Variants in UBAP2 observed in about 807,000 individuals in gnomAD.
The protein encoded by UBAP2 is ubiquitin associated protein 2, also known as ubiquitin-associated protein 2.
A neutral mutation model predicts 139.6 loss-of-function variants in UBAP2; 75 were observed. That is an observed-to-expected ratio of 0.54 (90% CI 0.45 to 0.65). The LOEUF is 0.65. Among genes scored for constraint, UBAP2 ranks in the 30% least tolerant of loss-of-function variants. The pLI is 0.00. For missense variants in UBAP2, 1,368 were observed against 1,369.6 expected (o/e 1.00, Z 0.02); for synonymous variants, 526 against 526.2 (o/e 1.00, Z 0.01).
At chr9:33,981,745 TGGAAGGATGGAAGGTAGGTAG>T in intron 6 of UBAP2, among the ~76,000 whole-genome samples, 1 of 143,394 alleles carries the variant, frequency 7.0e-6, no homozygotes, top group Non-Finnish European at 1.5e-5. Context: ...CAAGGAGGGA[TGGAAGGATGGAAGGTAGGTAG>T]GTAGGTAGGA....
intron 21 of UBAP2, 60 bp from the exon 22 acceptor site, chr9:33,926,724 G>T: frequency 6.3e-7 from 1 of 1,582,262 alleles, no homozygotes; most frequent in Non-Finnish European, 8.7e-7. Context: ...GGAAGCCCAG[G>T]TCCATCTAGG....
chr9:33,993,029 T>C (rs1417094457), intron 4 of UBAP2, among the ~76,000 whole-genome samples: 1 of 152,220 alleles, frequency 6.6e-6, no homozygotes, highest in Admixed American at 6.5e-5. Context: ...AGTACATTAA[T>C]TCAAGAGACC....
At chr9:33,985,501 T>C (rs1821127391) in intron 6 of UBAP2, among the ~76,000 whole-genome samples, 1 of 152,200 alleles carries the variant, frequency 6.6e-6, no homozygotes, top group South Asian at 2.1e-4. Flanking sequence ...AAGAATGAAA[T>C]CACGTCCTTT....
At chr9:34,019,664 A>C (rs1241215546) in intron 1 of UBAP2, among the ~76,000 whole-genome samples, 1 of 148,724 alleles carries the variant, frequency 6.7e-6, no homozygotes, top group Non-Finnish European at 1.5e-5. Flanking sequence ...GGTTACAATA[A>C]ACTTTATGTT....
chr9:33,993,747 C>CA (rs1403486820), intron 4 of UBAP2, among the ~76,000 whole-genome samples: 1 of 152,188 alleles, frequency 6.6e-6, no homozygotes, highest in Non-Finnish European at 1.5e-5. Context: ...CAGCCCTGAA[C>CA]AAGTGTATTC....
chr9:34,017,008 A>G (rs1330373172), intron 2 of UBAP2, 42 bp downstream of exon 2: 1 of 1,371,108 alleles, frequency 7.3e-7, no homozygotes, highest in Non-Finnish European at 9.8e-7. Flanking sequence ...ATAATAAAAG[A>G]AAAAAAAGGA....
chr9:34,031,602 C>T (rs922612376), intron 1 of UBAP2, among the ~76,000 whole-genome samples: 2 of 151,914 alleles, frequency 1.3e-5, no homozygotes, highest in African/African-American at 2.4e-5. Flanking sequence ...CCACCACGCC[C>T]GGCCTTAACT....
In UBAP2 at chr9:34,024,736, C is replaced by A. The variant is rs148018302; in HGVS notation, c.-41-7547G>T. Among the ~76,000 whole-genome samples, 757 of 152,286 alleles carry A rather than the reference C, an allele frequency of 5.0e-3. 3 individuals carry two copies. The highest frequency in any genetic ancestry group is 8.4e-3 in the Non-Finnish European group (572 of 68,026). On this transcript the variant is annotated intron_variant, in intron 1 of 28. Transcript: ENST00000379238. ...CGGTGGCTAATGCCTGTCATCTCAGCACTTTGGGAGGCTGAGGCGGGTGGA... is the reference window on the plus strand; with the variant it reads ...CGGTGGCTAATGCCTGTCATCTCAGAACTTTGGGAGGCTGAGGCGGGTGGA...
chr9:34,046,522 T>C (rs578182462), intron 1 of UBAP2, among the ~76,000 whole-genome samples: 57 of 151,646 alleles, frequency 3.8e-4, no homozygotes, highest in Non-Finnish European at 6.5e-4. Context: ...TGGGTGCCTG[T>C]AGTGCCAGCT....
intron 2 of UBAP2, among the ~76,000 whole-genome samples, chr9:33,999,427 C>T (rs1408749983): frequency 6.6e-6 from 1 of 151,856 alleles, no homozygotes; most frequent in Non-Finnish European, 1.5e-5. Flanking sequence ...ACTGCCCAGA[C>T]ACAGGCTTAG....
rs762823526 is a variant in UBAP2 at position 33,948,293 on chromosome 9, T to C, written c.1270+81A>G. 12 of 1,264,028 alleles carry C rather than the reference T, an allele frequency of 9.5e-6. No homozygotes were observed. In the Admixed American group the frequency reaches 1.7e-4, roughly 18 times the overall value. 78.3% of individuals were successfully genotyped at this position (1,264,028 alleles called of 1,614,324 possible). A position where few individuals can be genotyped will look rare whatever the true frequency, so the allele number is the denominator to read the frequency against. ...GAAACATCTCTGGACAAATTCCACA[T>C]TAGTCTTCACAAGTCAACACACTCT... On this transcript the variant is annotated intron_variant, in intron 13 of 28. Coordinates refer to ENST00000379238, the MANE Select transcript of UBAP2 (RefSeq NM_001370062.2).
At chr9:33,945,544 G>A (rs1330788917) in intron 13 of UBAP2, among the ~76,000 whole-genome samples, 1 of 152,048 alleles carries the variant, frequency 6.6e-6, no homozygotes, top group Non-Finnish European at 1.5e-5. Context: ...TATGTATGAC[G>A]AATATTATGT....
chr9:33,942,088 C>A (rs147127929), intron 15 of UBAP2, among the ~76,000 whole-genome samples: 45 of 151,872 alleles, frequency 3.0e-4, no homozygotes, highest in African/African-American at 1.1e-3. Flanking sequence ...CAGAGGTGGG[C>A]GGATCCGGAG....
chr9:33,990,598 T>C (rs944723496), intron 4 of UBAP2, among the ~76,000 whole-genome samples: 1 of 152,034 alleles, frequency 6.6e-6, no homozygotes, highest in Non-Finnish European at 1.5e-5. Flanking sequence ...GCATCTATTG[T>C]AACCTTTCTA....
intron 1 of UBAP2, among the ~76,000 whole-genome samples, chr9:34,027,082 C>G (rs1050265641): frequency 6.6e-6 from 1 of 152,168 alleles, no homozygotes; most frequent in African/African-American, 2.4e-5. Flanking sequence ...AATTTCTAAT[C>G]TGTGTTCCCG....
intron 1 of UBAP2, among the ~76,000 whole-genome samples, chr9:34,024,101 G>C (rs527971519): frequency 3.3e-5 from 5 of 152,142 alleles, no homozygotes; most frequent in Admixed American, 6.6e-5. Flanking sequence ...GCACACGCCT[G>C]TAATCCCAGC....
chr9:34,005,359 T>C (rs1823106730), intron 2 of UBAP2, among the ~76,000 whole-genome samples: 1 of 141,696 alleles, frequency 7.1e-6, no homozygotes, highest in African/African-American at 2.7e-5. Context: ...CGCTTGAACC[T>C]GGGAGGCAGA....
chr9:34,001,908 T>C (rs1822737150), intron 2 of UBAP2, among the ~76,000 whole-genome samples: 1 of 151,540 alleles, frequency 6.6e-6, no homozygotes, highest in Non-Finnish European at 1.5e-5. Context: ...GAAAAATCCA[T>C]AAAGTGACCA....
At chr9:33,941,963 A>C in intron 15 of UBAP2, 101 bp from the exon 16 acceptor site, 1 of 787,106 alleles carries the variant, frequency 1.3e-6, no homozygotes, top group Non-Finnish European at 2.0e-6. Flanking sequence ...CTACTGCATC[A>C]ATTTATTATC....
Sources: gnomAD v4.1 joint callset for allele counts (sites outside exome capture counted in the v4.1 genomes callset) on GRCh38, gnomAD v4.1.1 for gene constraint, MANE v1.5 for transcripts, NCBI Gene and HGNC (gene_info 2026-07-23, HGNC 2026-07-21) for gene names.